The following GPC5 variants were observed in gnomAD, a reference collection of about 807,000 sequenced individuals.
GPC5 encodes the protein glypican 5.
Under a neutral mutation model 53.9 loss-of-function variants are expected in GPC5, and 47 were observed. That is an observed-to-expected ratio of 0.87 (90% confidence interval 0.69 to 1.11). GPC5 has a LOEUF of 1.11. Among genes scored for constraint, GPC5 ranks in the 50% most tolerant of loss-of-function variants. The probability of loss-of-function intolerance (pLI) is 0.00; values close to 1 mark genes in which losing one functional copy is unlikely to be tolerated. For missense variants in GPC5, 748 were observed against 713.1 expected, an observed-to-expected ratio of 1.05 and a Z score of -0.56; for synonymous variants, 286 against 263.3, an observed-to-expected ratio of 1.09 and a Z score of -0.84.
At chr13:91,625,588 A>G (rs1345198771) in intron 2 of GPC5, among the ~76,000 whole-genome samples, 3 of 152,040 alleles carry the variant, frequency 2.0e-5, no homozygotes, top group Non-Finnish European at 4.4e-5. Context: ...TCTAAAGGCT[A>G]TGGGTATAAT....
chr13:92,226,504 T>C (rs1481947978), intron 7 of GPC5, among the ~76,000 whole-genome samples: 2 of 152,044 alleles, frequency 1.3e-5, no homozygotes, highest in African/African-American at 2.4e-5. Context: ...TTCTAACTCC[T>C]GAAAAGCACA....
chr13:92,131,820 ACT>A (rs1032148655), intron 6 of GPC5, among the ~76,000 whole-genome samples: 1 of 151,912 alleles, frequency 6.6e-6, no homozygotes, highest in African/African-American at 2.4e-5. Flanking sequence ...AGATCTGTAT[ACT>A]CTGTTACGTG....
intron 7 of GPC5, among the ~76,000 whole-genome samples, chr13:92,411,735 G>C (rs1263362546): frequency 2.0e-5 from 3 of 152,130 alleles, no homozygotes; most frequent in Non-Finnish European, 4.4e-5. Context: ...AATTAAACAA[G>C]TATCATACTC....
At chr13:92,421,808 G>T (rs991757794) in intron 7 of GPC5, among the ~76,000 whole-genome samples, 11 of 152,028 alleles carry the variant, frequency 7.2e-5, no homozygotes, top group Non-Finnish European at 1.3e-4. Flanking sequence ...GCCAGAGACG[G>T]TGTCTTCATA....
At chr13:91,455,691 G>A (rs749596557) in intron 2 of GPC5, among the ~76,000 whole-genome samples, 1 of 151,994 alleles carries the variant, frequency 6.6e-6, no homozygotes, top group Non-Finnish European at 1.5e-5. Flanking sequence ...AGCTCCCCAC[G>A]AAGTTTCTGC....
rs141827393 is a variant in GPC5 at position 91,938,267 on chromosome 13, G to A, written c.1401+30210G>A. Reference sequence around the variant, plus strand: ...GATTTTACTCATGGTGGAAGGTGAAGAAGGAGCAGGCATGTCACATGGCAA... The same window carrying A: ...GATTTTACTCATGGTGGAAGGTGAAAAAGGAGCAGGCATGTCACATGGCAA... On this transcript the variant is annotated intron_variant, in intron 6 of 7. Transcript: ENST00000377067. 3.4e-3 allele frequency among the ~76,000 whole-genome samples: 520 copies of A among 152,192 alleles called. 7 individuals carry two copies. Among genetic ancestry groups the A allele is most frequent in the African/African-American group, 0.012 (500 of 41,528 alleles).
At chr13:91,718,943 TAACTA>T (rs1434959850) in intron 3 of GPC5, among the ~76,000 whole-genome samples, 4 of 152,302 alleles carry the variant, frequency 2.6e-5, no homozygotes, top group Non-Finnish European at 4.4e-5. Flanking sequence ...TCTACCTCCC[TAACTA>T]GAGTATAAAC....
At chr13:91,528,061 G>A (rs1424971992) in intron 2 of GPC5, among the ~76,000 whole-genome samples, 1 of 152,166 alleles carries the variant, frequency 6.6e-6, no homozygotes, top group Non-Finnish European at 1.5e-5. Flanking sequence ...CAATTGTCTT[G>A]GCTTTTAATA....
rs1291016176 is a variant in GPC5, at chr13:92,079,102, A to T, written c.1402-65728A>T. Among the ~76,000 whole-genome samples, 8 of 151,954 alleles carry T rather than the reference A, an allele frequency of 5.3e-5. No individual in the cohort carries two copies. The South Asian group carries it at 8.3e-4, about 16-fold the overall frequency. ...ATTTCACTCTTGTTGCCCAGGCTGG[A>T]GTGCAGTGGCATGATCTTGGCTCAC... On this transcript the variant is annotated intron_variant, in intron 6 of 7. Transcript: ENST00000377067.
At chr13:92,778,692 C>T (rs997338492) in intron 7 of GPC5, among the ~76,000 whole-genome samples, 6 of 152,066 alleles carry the variant, frequency 3.9e-5, no homozygotes, top group South Asian at 2.1e-4. Context: ...TTTAGTTCTG[C>T]GACTGATCTT....
chr13:91,478,826 C>CATATATATATATAT (rs1883110424), intron 2 of GPC5, among the ~76,000 whole-genome samples: 1 of 64,144 alleles, frequency 1.6e-5, no homozygotes, highest in Non-Finnish European at 3.2e-5. Context: ...TATATATACA[C>CATATATATATATAT]ACACACACAT....
intron 7 of GPC5, among the ~76,000 whole-genome samples, chr13:92,224,516 G>A (rs2042470636): frequency 6.6e-6 from 1 of 152,222 alleles, no homozygotes; most frequent in South Asian, 2.1e-4. Context: ...CCTGTCTTCT[G>A]TTAACGGATT....
intron 6 of GPC5, among the ~76,000 whole-genome samples, chr13:92,031,113 T>C (rs9589404): frequency 0.024 from 3,632 of 152,206 alleles, 166 homozygotes; most frequent in African/African-American, 0.082. Context: ...CTGGTTTCTG[T>C]CTTATTTCCC....
intron 2 of GPC5, among the ~76,000 whole-genome samples, chr13:91,571,620 G>A (rs1043393918): frequency 1.3e-5 from 2 of 151,720 alleles, no homozygotes; most frequent in African/African-American, 4.8e-5. Context: ...AGCTACTCAG[G>A]AGGCTGAGGC....
intron 7 of GPC5, among the ~76,000 whole-genome samples, chr13:92,393,204 G>C (rs1215308075): frequency 6.6e-6 from 1 of 151,990 alleles, no homozygotes; most frequent in South Asian, 2.1e-4. Flanking sequence ...ATACACCACA[G>C]AATACTATGC....
chr13:92,346,921 C>T (rs758391169), intron 7 of GPC5, among the ~76,000 whole-genome samples: 2 of 151,918 alleles, frequency 1.3e-5, no homozygotes, highest in South Asian at 4.1e-4. Context: ...ATAGATTCAA[C>T]AGAAGATGTG....
chr13:92,246,505 C>A (rs1321698705), intron 7 of GPC5, among the ~76,000 whole-genome samples: 2 of 152,056 alleles, frequency 1.3e-5, no homozygotes. Flanking sequence ...ATAAGCCACA[C>A]CCCATCTTTA....
chr13:92,866,116 A>C (rs1879324872), intron 7 of GPC5, among the ~76,000 whole-genome samples, 166 bp from the exon 8 acceptor site: 1 of 152,186 alleles, frequency 6.6e-6, no homozygotes, highest in African/African-American at 2.4e-5. Context: ...CTCCAATCTA[A>C]GTAGGACAGA....
chr13:92,062,828 C>A (rs2041135831), intron 6 of GPC5, among the ~76,000 whole-genome samples: 1 of 151,876 alleles, frequency 6.6e-6, no homozygotes, highest in Non-Finnish European at 1.5e-5. Context: ...TGTTTAAGAA[C>A]AATTTATATG....
Sources: allele counts gnomAD v4.1 joint callset (sites outside exome capture counted in the v4.1 genomes callset), GRCh38; gene constraint gnomAD v4.1.1; transcripts MANE v1.5; gene names NCBI Gene and HGNC (gene_info 2026-07-23, HGNC 2026-07-21).